Variants in C11orf65 observed in about 807,000 individuals in gnomAD.
The protein encoded by C11orf65 is chromosome 11 open reading frame 65.
In C11orf65, 38 loss-of-function variants were observed where a neutral mutation model predicts 35.3. The observed-to-expected ratio is 1.08, with a 90% CI of 0.83 to 1.41. The LOEUF (loss-of-function observed/expected upper bound fraction) is 1.41. Among genes scored for constraint, C11orf65 ranks in the 40% most tolerant of loss-of-function variants. The pLI is 0.00. For synonymous variants in C11orf65, 105 were observed against 114.4 expected, an observed-to-expected ratio of 0.92 and a Z score of 0.53; for missense variants, 370 against 367.1, an observed-to-expected ratio of 1.01 and a Z score of -0.06.
chr11:108,393,045 C>A (rs947322257), intron 7 of C11orf65, among the ~76,000 whole-genome samples, 163 bp downstream of exon 7: 1 of 152,028 alleles, frequency 6.6e-6, no homozygotes, highest in African/African-American at 2.4e-5. Flanking sequence ...TTTTCTTACC[C>A]CTCATGTCTT....
At chr11:108,333,526 A>G (rs609655) in intron 3 of C11orf65, among the ~76,000 whole-genome samples, 51,153 of 152,116 alleles carry the variant, frequency 0.34, 9,625 homozygotes, top group East Asian at 0.55. Context: ...TAAGCAAACA[A>G]AAAGTATTGA....
At chr11:108,402,162 G>A (rs1395791336) in intron 6 of C11orf65, among the ~76,000 whole-genome samples, 1 of 152,170 alleles carries the variant, frequency 6.6e-6, no homozygotes, top group Non-Finnish European at 1.5e-5. Context: ...TAGTAGAGGG[G>A]GAATCCTGAG....
intron 2 of C11orf65, among the ~76,000 whole-genome samples, chr11:108,452,164 T>C (rs1004255537): frequency 1.4e-4 from 22 of 152,158 alleles, no homozygotes; most frequent in East Asian, 3.9e-4. Context: ...TGGGATCTAA[T>C]TAAACTAAAG....
chr11:108,405,628 A>G (rs980871443), intron 5 of C11orf65, 69 bp from the exon 6 acceptor site: 3 of 1,477,130 alleles, frequency 2.0e-6, no homozygotes, highest in Non-Finnish European at 2.8e-6. Context: ...GGCAATAGAC[A>G]AGAACTTCTA....
At chr11:108,374,565 T>C (rs1211644191) in intron 2 of C11orf65, among the ~76,000 whole-genome samples, 1 of 152,104 alleles carries the variant, frequency 6.6e-6, no homozygotes, top group South Asian at 2.1e-4. Flanking sequence ...CTGGAAACTC[T>C]AAAAAGGAGA....
chr11:108,430,831 T>C (rs1472921167), intron 3 of C11orf65, among the ~76,000 whole-genome samples: 1 of 145,404 alleles, frequency 6.9e-6, no homozygotes, highest in Admixed American at 7.0e-5. Flanking sequence ...GGTGACAGAG[T>C]GAGACCCTGT....
intron 7 of C11orf65, among the ~76,000 whole-genome samples, chr11:108,386,484 A>C (rs942609621): frequency 7.9e-5 from 12 of 152,192 alleles, no homozygotes; most frequent in Non-Finnish European, 1.6e-4. Context: ...AGAACACGTT[A>C]AGAGATACAT....
intron 2 of C11orf65, among the ~76,000 whole-genome samples, chr11:108,460,129 G>A (rs2093455888): frequency 6.6e-6 from 1 of 152,100 alleles, no homozygotes. Flanking sequence ...TTATTTTAGT[G>A]TTAGAAATCA....
chr11:108,461,580 T>C lies in C11orf65; in HGVS notation c.-9-12A>G. On this transcript the variant is annotated splice_polypyrimidine_tract_variant and intron_variant, in intron 1 of 8. Coordinates refer to ENST00000393084, the MANE Select transcript of C11orf65 (RefSeq NM_152587.5). ...GGCATTTGAAATTCCTAAAAGAAAA[T>C]GAGCAAAAAGGGTACATTTAAAATA... 1 of 1,469,946 alleles carries C rather than the reference T, an allele frequency of 6.8e-7. No individual in the cohort carries two copies. The highest frequency in any genetic ancestry group is 1.4e-5 in the African/African-American group (1 of 71,214). 91.1% of individuals were successfully genotyped at this position (1,469,946 alleles called of 1,614,324 possible). A position where few individuals can be genotyped will look rare whatever the true frequency, so the allele number is the denominator to read the frequency against.
chr11:108,437,565 A>G (rs1389623779), intron 2 of C11orf65, among the ~76,000 whole-genome samples: 1 of 151,500 alleles, frequency 6.6e-6, no homozygotes, highest in East Asian at 2.0e-4. Flanking sequence ...TTAGCTGGGC[A>G]TGGTGGCGCA....
downstream of C11orf65, among the ~76,000 whole-genome samples, chr11:108,381,143 A>G (rs745415145): frequency 6.6e-6 from 1 of 152,194 alleles, no homozygotes; most frequent in Non-Finnish European, 1.5e-5. Flanking sequence ...AAGGGCCATT[A>G]TATGGTGCTC....
chr11:108,403,225 T>A (rs527277296), intron 6 of C11orf65, among the ~76,000 whole-genome samples: 1 of 152,216 alleles, frequency 6.6e-6, no homozygotes, highest in African/African-American at 2.4e-5. Context: ...ACAATTGGCA[T>A]GACAGACTAT....
intron 2 of C11orf65, among the ~76,000 whole-genome samples, chr11:108,361,865 T>TA (rs1337804223): frequency 6.6e-6 from 1 of 151,406 alleles, no homozygotes; most frequent in Non-Finnish European, 1.5e-5. Flanking sequence ...ACCTAGGCAT[T>TA]ACCATTCAGG....
intron 2 of C11orf65, among the ~76,000 whole-genome samples, chr11:108,436,952 G>A (rs2093068331): frequency 6.6e-6 from 1 of 152,036 alleles, no homozygotes; most frequent in Non-Finnish European, 1.5e-5. Flanking sequence ...TTTTTCACAG[G>A]AGGTCTGGCA....
chr11:108,346,171 T>C (rs940691118), intron 2 of C11orf65, among the ~76,000 whole-genome samples: 1 of 152,152 alleles, frequency 6.6e-6, no homozygotes, highest in Non-Finnish European at 1.5e-5. Flanking sequence ...CTTTGTTTTA[T>C]AGTGAATATG....
chr11:108,378,547 T>A, downstream of C11orf65, among the ~76,000 whole-genome samples: 1 of 126,696 alleles, frequency 7.9e-6, no homozygotes. Flanking sequence ...AACCTAGGCA[T>A]TACCATTCAG....
chr11:108,433,288 T>C (rs1356917085), intron 2 of C11orf65, among the ~76,000 whole-genome samples: 3 of 149,494 alleles, frequency 2.0e-5, no homozygotes, highest in African/African-American at 2.4e-5. Context: ...TATATAGATA[T>C]ATATATATGC....
intron 2 of C11orf65, chr11:108,354,014 G>A: frequency 1.2e-6 from 1 of 825,314 alleles, no homozygotes; most frequent in Non-Finnish European, 2.0e-6. Context: ...CCAGGAGTTT[G>A]AGTCCAGCCT....
At chr11:108,325,268 T>C (rs1278429177) in intron 6 of C11orf65, 18 of 844,526 alleles carry the variant, frequency 2.1e-5, no homozygotes, top group Non-Finnish European at 3.2e-5. Context: ...TTTTTTTTTT[T>C]CATTTCTCTT....
Sources: gnomAD v4.1 joint callset for allele counts (sites outside exome capture counted in the v4.1 genomes callset) on GRCh38, gnomAD v4.1.1 for gene constraint, MANE v1.5 for transcripts, NCBI Gene and HGNC (gene_info 2026-07-23, HGNC 2026-07-21) for gene names.